PAPPA: variants seen among roughly 807,000 people sequenced by gnomAD.
PAPPA encodes pappalysin-1.
A neutral mutation model predicts 164.0 loss-of-function variants in PAPPA; 60 were observed. The ratio of observed to expected loss-of-function variants is 0.37; its 90% CI spans 0.30 to 0.45. The LOEUF is 0.45. Ranked by LOEUF, PAPPA falls within the 20% of genes least tolerant of loss-of-function variation. PAPPA has a pLI of 1.00. For synonymous variants in PAPPA, 875 were observed against 814.1 expected (o/e 1.07, Z -1.27); for missense variants, 1,782 against 2,087.3 (o/e 0.85, Z 2.85).
chr9:116,231,265 A>G lies in PAPPA; in HGVS notation c.2233+3713A>G, dbSNP rs540711366. ...AAAGGATATCTATTAATAATGAAGT[A>G]ACAGGGCTTTTACACTTAGTTCTCT... On this transcript the variant is annotated intron_variant, in intron 6 of 21. Transcript: ENST00000328252. Among the ~76,000 whole-genome samples, 12 of 152,272 alleles carry G rather than the reference A, an allele frequency of 7.9e-5. No homozygotes were observed. In the South Asian group the frequency reaches 1.5e-3, roughly 18 times the overall value.
chr9:116,217,000 A>G (rs1455818542), intron 4 of PAPPA, among the ~76,000 whole-genome samples: 1 of 152,122 alleles, frequency 6.6e-6, no homozygotes, highest in Non-Finnish European at 1.5e-5. Flanking sequence ...TTGGCCTCCC[A>G]AAGTGCAGGG....
chr9:116,302,381 A>G lies in PAPPA; in HGVS notation c.2954-376A>G, dbSNP rs140223002. Among the ~76,000 whole-genome samples, 325 of 151,534 alleles carry G rather than the reference A, an allele frequency of 2.1e-3. 1 individual carries two copies. Among genetic ancestry groups the G allele is most frequent in the African/African-American group, 7.3e-3 (303 of 41,268 alleles). ...CATACTCACTGAAAAGCAACTCTCC[A>G]TTTCCTCCTCCCCCGAGATCCTGGA... is the stretch of plus-strand genomic sequence containing the variant. On this transcript the variant is annotated intron_variant, in intron 9 of 21. Transcript: ENST00000328252.
chr9:116,374,175 GATGATGA>G (rs1564246729), intron 19 of PAPPA, among the ~76,000 whole-genome samples: 1 of 117,620 alleles, frequency 8.5e-6, no homozygotes, highest in Non-Finnish European at 1.9e-5. Flanking sequence ...TGGTGTTGAT[GATGATGA>G]TGGTGGTGAT....
At chr9:116,289,226 AT>A (rs1255572843) in intron 9 of PAPPA, among the ~76,000 whole-genome samples, 877 of 61,424 alleles carry the variant, frequency 0.014, 119 homozygotes, top group Non-Finnish European at 0.016. Flanking sequence ...TGTAGCATAT[AT>A]ATATAGCATA....
intron 10 of PAPPA, among the ~76,000 whole-genome samples, chr9:116,311,552 G>A (rs118111619): frequency 6.6e-6 from 1 of 152,136 alleles, no homozygotes; most frequent in Non-Finnish European, 1.5e-5. Context: ...TAGCCATATT[G>A]TTTCACAGAG....
chr9:116,281,772 G>A (rs1845270699), intron 9 of PAPPA, among the ~76,000 whole-genome samples: 1 of 152,106 alleles, frequency 6.6e-6, no homozygotes, highest in African/African-American at 2.4e-5. Context: ...ACTGAGCTGG[G>A]AAACCACCCA....
Position 116,207,437 on chromosome 9 carries a change from G to A in PAPPA, c.1479-19G>A. ...TTTTTGGGGGCATGATAACAGCCAA[G>A]GTTCTTTTTCTGTTTCAGAGCCTAC... On this transcript the variant is annotated intron_variant, in intron 2 of 21. Transcript: ENST00000328252. The A allele has an allele frequency of 6.3e-7, 1 of 1,595,596 alleles. No individual in the cohort carries two copies. The highest frequency in any genetic ancestry group is 1.7e-5 in the Admixed American group (1 of 57,900).
At chr9:116,220,692 G>C (rs1357057440) in intron 5 of PAPPA, among the ~76,000 whole-genome samples, 1 of 151,650 alleles carries the variant, frequency 6.6e-6, no homozygotes, top group African/African-American at 2.4e-5. Flanking sequence ...TTCGAGACCA[G>C]CCTGACCAAC....
At chr9:116,365,609 T>C (rs1450031261) in intron 18 of PAPPA, among the ~76,000 whole-genome samples, 1 of 121,060 alleles carries the variant, frequency 8.3e-6, no homozygotes, top group Non-Finnish European at 1.8e-5. Context: ...TCTCAGAGGC[T>C]GCATTTTTTT....
At chr9:116,309,210 G>A (rs924627283) in intron 10 of PAPPA, among the ~76,000 whole-genome samples, 2 of 151,968 alleles carry the variant, frequency 1.3e-5, no homozygotes, top group Non-Finnish European at 2.9e-5. Flanking sequence ...CAAGTAGCTG[G>A]GATTACAAGC....
intron 2 of PAPPA, among the ~76,000 whole-genome samples, chr9:116,195,755 T>C (rs1036622436): frequency 1.3e-4 from 20 of 152,182 alleles, no homozygotes; most frequent in African/African-American, 4.8e-4. Context: ...ATCCCGAAAT[T>C]CTTAGCCCCT....
intron 9 of PAPPA, among the ~76,000 whole-genome samples, chr9:116,288,298 G>A (rs1272965150): frequency 6.6e-6 from 1 of 152,154 alleles, no homozygotes; most frequent in African/African-American, 2.4e-5. Flanking sequence ...GAACCCGAGA[G>A]GCAGAGGTTG....
intron 19 of PAPPA, among the ~76,000 whole-genome samples, chr9:116,371,853 C>T (rs2118664398): frequency 6.6e-6 from 1 of 152,288 alleles, no homozygotes; most frequent in Middle Eastern, 3.4e-3. Flanking sequence ...ATTTCTCCAG[C>T]ACCAAGGTAA....
At chr9:116,264,514 C>T (rs1845043256) in intron 7 of PAPPA, among the ~76,000 whole-genome samples, 1 of 152,128 alleles carries the variant, frequency 6.6e-6, no homozygotes, top group Non-Finnish European at 1.5e-5. Context: ...AACTCCAGCT[C>T]ATTATTGTGT....
At chr9:116,369,022 AC>A (rs1846538052) in intron 19 of PAPPA, among the ~76,000 whole-genome samples, 1 of 150,334 alleles carries the variant, frequency 6.7e-6, no homozygotes, top group African/African-American at 2.5e-5. Context: ...TCTTCATCTT[AC>A]TCTCACTAAT....
intron 5 of PAPPA, 32 bp downstream of exon 5, chr9:116,220,161 T>C: frequency 6.7e-7 from 1 of 1,499,736 alleles, no homozygotes; most frequent in Non-Finnish European, 9.1e-7. Context: ...TTGATCCCTC[T>C]CTCTCTCTCC....
intron 21 of PAPPA, among the ~76,000 whole-genome samples, chr9:116,386,694 C>T (rs1295901708): frequency 6.6e-6 from 1 of 152,152 alleles, no homozygotes; most frequent in Non-Finnish European, 1.5e-5. Flanking sequence ...CCTTGGCACA[C>T]CTTGGCATGA....
chr9:116,387,708 A>C (rs1846834439), intron 21 of PAPPA, among the ~76,000 whole-genome samples: 1 of 152,206 alleles, frequency 6.6e-6, no homozygotes. Flanking sequence ...CATTTTATAG[A>C]TGATGAAACT....
At chr9:116,328,403 A>T (rs1845947098) in intron 10 of PAPPA, among the ~76,000 whole-genome samples, 1 of 152,170 alleles carries the variant, frequency 6.6e-6, no homozygotes, top group East Asian at 1.9e-4. Context: ...GCTATGTTCT[A>T]CCCTTAGCCT....
Sources: allele counts gnomAD v4.1 joint callset (sites outside exome capture counted in the v4.1 genomes callset), GRCh38; gene constraint gnomAD v4.1.1; transcripts MANE v1.5; gene names NCBI Gene and HGNC (gene_info 2026-07-23, HGNC 2026-07-21).